GABRG1: variants seen among roughly 807,000 people sequenced by gnomAD.
GABRG1 encodes gamma-aminobutyric acid receptor subunit gamma-1.
In GABRG1, 49 loss-of-function variants were observed where a neutral mutation model predicts 49.8. That is an observed-to-expected ratio of 0.98 (90% confidence interval 0.78 to 1.25). The LOEUF (loss-of-function observed/expected upper bound fraction) is 1.25. Among genes scored for constraint, GABRG1 ranks in the 50% most tolerant of loss-of-function variants. GABRG1 has a pLI of 0.00. For missense variants in GABRG1, 552 were observed against 552.3 expected (o/e 1.00, Z 0.01); for synonymous variants, 232 against 185.1 (o/e 1.25, Z -2.06).
chr4:46,062,324 C>G (rs1478246120), intron 5 of GABRG1, among the ~76,000 whole-genome samples: 1 of 151,768 alleles, frequency 6.6e-6, no homozygotes, highest in Non-Finnish European at 1.5e-5. Context: ...TGAATAGTGC[C>G]GCAATAAACA....
At position 46,096,186 on chromosome 4, in the gene GABRG1, T is replaced by C. The variant is rs1455024035; in HGVS notation, c.253+1015A>G. On this transcript the variant is annotated intron_variant, in intron 2 of 8. Coordinates refer to ENST00000295452, the MANE Select transcript of GABRG1 (RefSeq NM_173536.4). The stretch of plus-strand genomic sequence containing the variant: ...TAAACAAATTTACAAATATTACATG[T>C]TGTGACAAAGCAGAAAATATATAAT... 2.0e-5 allele frequency among the ~76,000 whole-genome samples: 3 copies of C among 151,604 alleles called. No homozygotes were observed. The East Asian group carries it at 5.8e-4, about 29-fold the overall frequency.
At chr4:46,074,049 T>A (rs1211659235) in intron 3 of GABRG1, among the ~76,000 whole-genome samples, 2 of 152,142 alleles carry the variant, frequency 1.3e-5, no homozygotes, top group Non-Finnish European at 2.9e-5. Flanking sequence ...CTGTGACAAA[T>A]GATTGATATT....
At chr4:46,063,366 A>C (rs1158432968) in intron 5 of GABRG1, among the ~76,000 whole-genome samples, 1 of 152,054 alleles carries the variant, frequency 6.6e-6, no homozygotes, top group Non-Finnish European at 1.5e-5. Context: ...ATAACGCCAC[A>C]TATCTACAAC....
At chr4:46,094,414 G>C (rs1273341131) in intron 2 of GABRG1, among the ~76,000 whole-genome samples, 1 of 151,926 alleles carries the variant, frequency 6.6e-6, no homozygotes, top group Non-Finnish European at 1.5e-5. Context: ...AGACAGAAGG[G>C]AGTCAGTGAT....
chr4:46,120,015 T>C (rs1015641685), intron 1 of GABRG1, among the ~76,000 whole-genome samples: 10 of 151,706 alleles, frequency 6.6e-5, no homozygotes, highest in African/African-American at 2.4e-4. Flanking sequence ...AGATTTTCTT[T>C]CTTGGAAATT....
At chr4:46,071,445 ATATAT>A (rs943589120) in intron 3 of GABRG1, among the ~76,000 whole-genome samples, 5 of 148,716 alleles carry the variant, frequency 3.4e-5, no homozygotes, top group Admixed American at 6.8e-5. Flanking sequence ...TAATATATAA[ATATAT>A]TATAATGTAA....
At chr4:46,068,654 T>C (rs1719003333) in intron 3 of GABRG1, among the ~76,000 whole-genome samples, 1 of 152,080 alleles carries the variant, frequency 6.6e-6, no homozygotes, top group Non-Finnish European at 1.5e-5. Flanking sequence ...AAATTGCTAA[T>C]TTTTAATAAA....
chr4:46,079,072 G>GT (rs11354665), intron 3 of GABRG1, among the ~76,000 whole-genome samples: 100 of 144,844 alleles, frequency 6.9e-4, no homozygotes, highest in Middle Eastern at 3.6e-3. Context: ...AAAAAGTTTT[G>GT]TTTTTTTTTT....
intron 8 of GABRG1, among the ~76,000 whole-genome samples, chr4:46,041,789 A>T (rs1717797020): frequency 6.6e-6 from 1 of 151,952 alleles, no homozygotes; most frequent in African/African-American, 2.4e-5. Flanking sequence ...AAAAGCTCAG[A>T]CTTGGGAACA....
intron 7 of GABRG1, among the ~76,000 whole-genome samples, chr4:46,052,811 A>G (rs1718280614): frequency 6.6e-6 from 1 of 151,938 alleles, no homozygotes; most frequent in African/African-American, 2.4e-5. Flanking sequence ...AGCTGTAGCA[A>G]CAGTCTCTTT....
intron 2 of GABRG1, among the ~76,000 whole-genome samples, chr4:46,090,933 TACACACACACACACACACACATAC>T (rs1471022615): frequency 5.8e-4 from 81 of 139,346 alleles, no homozygotes; most frequent in African/African-American, 2.0e-3. Context: ...TTCCCTGGAA[TACACACACACACACACACACATAC>T]ACACACACAC....
chr4:46,101,739 A>G (rs764090551), intron 1 of GABRG1, among the ~76,000 whole-genome samples: 45 of 151,742 alleles, frequency 3.0e-4, no homozygotes, highest in Admixed American at 1.8e-3. Context: ...TTTTTTAACA[A>G]TAAGAGTATG....
intron 2 of GABRG1, among the ~76,000 whole-genome samples, chr4:46,086,408 A>T (rs533231329): frequency 5.3e-5 from 8 of 151,726 alleles, no homozygotes; most frequent in African/African-American, 1.9e-4. Context: ...AGATTTTAAA[A>T]ATCTTTTCTT....
At chr4:46,092,013 T>C (rs73144874) in intron 2 of GABRG1, among the ~76,000 whole-genome samples, 16,034 of 151,820 alleles carry the variant, frequency 0.11, 1,934 homozygotes, top group African/African-American at 0.29. Flanking sequence ...CAGGAGAAAA[T>C]TGAGTGATAT....
intron 1 of GABRG1, among the ~76,000 whole-genome samples, chr4:46,117,339 T>C (rs1720929034): frequency 6.6e-6 from 1 of 150,496 alleles, no homozygotes; most frequent in Non-Finnish European, 1.5e-5. Context: ...AATCTCAGAA[T>C]ACATTGTTTC....
At chr4:46,089,537 G>T (rs1262964848) in intron 2 of GABRG1, among the ~76,000 whole-genome samples, 3 of 152,096 alleles carry the variant, frequency 2.0e-5, no homozygotes, top group East Asian at 3.9e-4. Flanking sequence ...CACCCTAGTG[G>T]TGCTTGTCTT....
At chr4:46,052,213 T>A (rs1319790995) in intron 7 of GABRG1, among the ~76,000 whole-genome samples, 1 of 141,044 alleles carries the variant, frequency 7.1e-6, no homozygotes, top group Non-Finnish European at 1.5e-5. Flanking sequence ...TATAATGCAT[T>A]GTATCGCCTT....
rs2109386424 is a variant in GABRG1 at position 46,036,248 on chromosome 4, A to G, written c.*4740T>C. The G allele has an allele frequency of 6.6e-6, 1 of 151,846 alleles. No homozygotes were observed. The highest frequency in any genetic ancestry group is 1.5e-5 in the Non-Finnish European group (1 of 67,812). The allele number at this position is 151,846 out of a possible 1,614,324, so 9.4% of individuals were successfully genotyped here. A position where few individuals can be genotyped will look rare whatever the true frequency, so the allele number is the denominator to read the frequency against. Reference sequence around the variant, plus strand: ...TGGATTTGTCTACACACAGTAGACTATTTCTACCTGCAATTCTCTTATTCT... The same window carrying G: ...TGGATTTGTCTACACACAGTAGACTGTTTCTACCTGCAATTCTCTTATTCT... On this transcript the variant is annotated 3_prime_UTR_variant, in exon 9 of 9. Coordinates refer to ENST00000295452, the MANE Select transcript of GABRG1 (RefSeq NM_173536.4).
At position 46,062,040 on chromosome 4, in the gene GABRG1, C is replaced by G. The variant is rs546243377; in HGVS notation, c.625+2401G>C. ...ATCCCTCCCCCCTCCCCCCACCCCA[C>G]AACAGTCCCCAGAGTGTGATGTTCC... On this transcript the variant is annotated intron_variant, in intron 5 of 8. Coordinates refer to ENST00000295452, the MANE Select transcript of GABRG1 (RefSeq NM_173536.4). Among the ~76,000 whole-genome samples, 12 of 112,686 alleles carry G rather than the reference C, an allele frequency of 1.1e-4. No homozygotes were observed. The East Asian group carries it at 2.9e-3, about 27-fold the overall frequency. The allele number at this position is 112,686 out of a possible 152,430, so 73.9% of individuals were successfully genotyped here. A position where few individuals can be genotyped will look rare whatever the true frequency, so the allele number is the denominator to read the frequency against.
Sources: allele counts gnomAD v4.1 joint callset (sites outside exome capture counted in the v4.1 genomes callset), GRCh38; gene constraint gnomAD v4.1.1; transcripts MANE v1.5; gene names NCBI Gene and HGNC (gene_info 2026-07-23, HGNC 2026-07-21).